The following GUCY1A2 variants were observed in gnomAD, a reference collection of about 807,000 sequenced individuals.
GUCY1A2 encodes the protein guanylate cyclase 1 soluble subunit alpha 2.
GUCY1A2 carries 27 observed loss-of-function variants against 63.5 expected under a neutral mutation model. The observed-to-expected ratio is 0.43, with a 90% CI of 0.31 to 0.59. The LOEUF (loss-of-function observed/expected upper bound fraction) is 0.59. Among genes scored for constraint, GUCY1A2 ranks in the 20% least tolerant of loss-of-function variants. The pLI is 0.11. For synonymous variants in GUCY1A2, 364 were observed against 343.5 expected (o/e 1.06, Z -0.66); for missense variants, 768 against 913.3 (o/e 0.84, Z 2.05).
intron 1 of GUCY1A2, among the ~76,000 whole-genome samples, chr11:107,010,800 G>A (rs899853603): frequency 2.6e-5 from 4 of 151,732 alleles, no homozygotes; most frequent in Admixed American, 1.3e-4. Flanking sequence ...GCATGATCTC[G>A]GCTCACTGCA....
At chr11:106,936,692 C>T in intron 4 of GUCY1A2, 2 of 1,528,086 alleles carry the variant, frequency 1.3e-6, no homozygotes, top group East Asian at 2.5e-5. Flanking sequence ...GCGTCAGATG[C>T]CCCTCGGTGA....
chr11:107,009,367 G>T (rs1439934112), intron 1 of GUCY1A2, among the ~76,000 whole-genome samples: 1 of 152,112 alleles, frequency 6.6e-6, no homozygotes, highest in African/African-American at 2.4e-5. Context: ...AAATGAACCA[G>T]TAGATGGAGC....
intron 4 of GUCY1A2, among the ~76,000 whole-genome samples, chr11:106,843,320 A>T (rs72986506): frequency 0.25 from 37,651 of 151,742 alleles, 4,712 homozygotes; most frequent in African/African-American, 0.29. Flanking sequence ...AAGACTACAC[A>T]CTGGGTACAG....
At chr11:106,828,217 A>G (rs1859001215) in intron 4 of GUCY1A2, among the ~76,000 whole-genome samples, 1 of 151,802 alleles carries the variant, frequency 6.6e-6, no homozygotes, top group African/African-American at 2.4e-5. Context: ...ACATTTGTCT[A>G]TTTTTGGTTT....
At position 106,677,318 on chromosome 11, in the gene GUCY1A2, C is replaced by A. The variant is rs961323502; in HGVS notation, c.*10231G>T. The A allele has an allele frequency of 1.4e-5, 3 of 215,430 alleles. No homozygotes were observed. Among genetic ancestry groups the A allele is most frequent in the Non-Finnish European group, 2.8e-5 (3 of 106,782 alleles). 13.3% of individuals were successfully genotyped at this position (215,430 alleles called of 1,614,324 possible). On this transcript the variant is annotated 3_prime_UTR_variant, in exon 8 of 8. Coordinates refer to ENST00000526355, the MANE Select transcript of GUCY1A2 (RefSeq NM_000855.3). ...ACTTATGTATATAAACCATTCATTT[C>A]ACATTCATCAAGAATTTTATTCATG...
At chr11:106,843,241 G>T (rs1277244196) in intron 4 of GUCY1A2, among the ~76,000 whole-genome samples, 1 of 151,824 alleles carries the variant, frequency 6.6e-6, no homozygotes, top group East Asian at 1.9e-4. Flanking sequence ...AAGAAAAAAA[G>T]TAATAAAACA....
chr11:106,941,661 CCT>C (rs1167650142), intron 3 of GUCY1A2, among the ~76,000 whole-genome samples: 21 of 152,148 alleles, frequency 1.4e-4, no homozygotes, highest in African/African-American at 4.8e-4. Flanking sequence ...TTTATCATTC[CCT>C]GAGTGTTCCT....
In GUCY1A2 at chr11:106,683,061, T is replaced by C. The variant is rs1862458203; in HGVS notation, c.*4488A>G. ...ATTTTGTTCAATCACATGAACACAA[T>C]TTATGTGTATGTTAAACCAGCTGGT... On this transcript the variant is annotated 3_prime_UTR_variant, in exon 8 of 8. Coordinates refer to ENST00000526355, the MANE Select transcript of GUCY1A2 (RefSeq NM_000855.3). The C allele has an allele frequency of 9.2e-6, 2 of 217,512 alleles. No individual in the cohort carries two copies. The highest frequency in any genetic ancestry group is 1.9e-5 in the Non-Finnish European group (2 of 108,054). 13.5% of individuals were successfully genotyped at this position (217,512 alleles called of 1,614,324 possible).
intron 6 of GUCY1A2, among the ~76,000 whole-genome samples, chr11:106,750,270 C>T (rs539806449): frequency 5.9e-5 from 9 of 152,186 alleles, no homozygotes; most frequent in African/African-American, 2.2e-4. Context: ...GCTTATCCCA[C>T]CTTCTTCCCC....
chr11:106,744,018 G>A (rs1863741877), intron 6 of GUCY1A2, among the ~76,000 whole-genome samples: 1 of 152,140 alleles, frequency 6.6e-6, no homozygotes, highest in Admixed American at 6.5e-5. Flanking sequence ...ACTAGCTCAG[G>A]AATGAACGAC....
intron 6 of GUCY1A2, among the ~76,000 whole-genome samples, chr11:106,724,590 A>G (rs747759448): frequency 1.2e-4 from 19 of 152,132 alleles, no homozygotes; most frequent in Non-Finnish European, 2.5e-4. Flanking sequence ...AAATCCTGAG[A>G]AGTTCTTGCT....
rs770060693 is a variant in GUCY1A2 at position 106,687,730 on chromosome 11, G to A, written c.2018C>T (p.Thr673Ile). ...CTCTTCACGAGACCGCGGAATGAATGTGAAACTTTCTTCTCGTTTTAATAA... is the reference window on the plus strand; with the variant it reads ...CTCTTCACGAGACCGCGGAATGAATATGAAACTTTCTTCTCGTTTTAATAA... ...YQLLKREESF[T>I]FIPRSREELP... Residue 673 changes from threonine to isoleucine, a missense_variant, in exon 8 of 8, where the codon ACA (threonine) becomes ATA (isoleucine). Thr to Ile is a moderately conservative substitution (Grantham distance 89, BLOSUM62 -1). Coordinates refer to ENST00000526355, the MANE Select transcript of GUCY1A2 (RefSeq NM_000855.3). 2.5e-6 allele frequency: 4 copies of A among 1,611,236 alleles called. No homozygotes were observed. Among genetic ancestry groups the A allele is most frequent in the Middle Eastern group, 3.3e-4 (2 of 6,060 alleles).
At chr11:107,006,293 A>T (rs534954287) in intron 1 of GUCY1A2, among the ~76,000 whole-genome samples, 17 of 152,370 alleles carry the variant, frequency 1.1e-4, no homozygotes, top group Admixed American at 8.5e-4. Context: ...TTCACTGTTC[A>T]CATTTTATTA....
At chr11:107,014,929 A>G (rs1861799435) in intron 1 of GUCY1A2, among the ~76,000 whole-genome samples, 1 of 152,224 alleles carries the variant, frequency 6.6e-6, no homozygotes, top group South Asian at 2.1e-4. Context: ...TCCAGCTTTC[A>G]TGAGAGAATA....
intron 5 of GUCY1A2, among the ~76,000 whole-genome samples, chr11:106,805,446 A>G (rs2135421476): frequency 6.6e-6 from 1 of 152,190 alleles, no homozygotes; most frequent in East Asian, 1.9e-4. Flanking sequence ...GCGTTTCACC[A>G]GGTTGGCCAG....
intron 5 of GUCY1A2, among the ~76,000 whole-genome samples, chr11:106,802,265 G>A (rs976301322): frequency 1.3e-5 from 2 of 152,136 alleles, no homozygotes; most frequent in Non-Finnish European, 1.5e-5. Flanking sequence ...AAGGCAAGTT[G>A]TTCATACTGT....
chr11:106,844,188 G>T (rs2135446054), intron 4 of GUCY1A2, among the ~76,000 whole-genome samples: 1 of 151,786 alleles, frequency 6.6e-6, no homozygotes, highest in East Asian at 1.9e-4. Context: ...TTTAACCTCA[G>T]GTACTAATTT....
Position 106,682,817 on chromosome 11 carries a change from AG to A in GUCY1A2, c.*4731del, listed in dbSNP as rs1242275568. The A allele has an allele frequency of 1.9e-5, 4 of 213,588 alleles. No individual in the cohort carries two copies. The highest frequency in any genetic ancestry group is 1.9e-5 in the Non-Finnish European group (2 of 105,508). The allele number at this position is 213,588 out of a possible 1,614,324, so 13.2% of individuals were successfully genotyped here. A position where few individuals can be genotyped will look rare whatever the true frequency, so the allele number is the denominator to read the frequency against. The stretch of plus-strand genomic sequence containing the variant: ...TGACCTTTTTTAATTAAAGGAAAGA[AG>A]GAACAAAGGAAGGAAGAAAACAAGG... On this transcript the variant is annotated 3_prime_UTR_variant, in exon 8 of 8. Coordinates refer to ENST00000526355, the MANE Select transcript of GUCY1A2 (RefSeq NM_000855.3).
Position 106,978,638 on chromosome 11 carries a change from C to A in GUCY1A2, c.468G>T (p.Gln156His). ...ATATACCGAGTATATTAGCAGTACA[C>A]TGAAGAATTCCTGAGACATCTTCAA... is the stretch of plus-strand genomic sequence containing the variant. ...EEIEDVSGIL[Q>H]CTANILGLKF... is the part of the protein sequence containing the mutation. The change falls in exon 3 of 8, where the codon CAG becomes CAT. Residue 156 changes from glutamine (Q) to histidine (H), a missense_variant. Gln to His is a conservative substitution (Grantham distance 24). Transcript: ENST00000526355. 1 of 1,532,012 alleles carries A rather than the reference C, an allele frequency of 6.5e-7. No homozygotes were observed. The highest frequency in any genetic ancestry group is 1.4e-5 in the African/African-American group (1 of 73,336). The allele number at this position is 1,532,012 out of a possible 1,614,324, so 94.9% of individuals were successfully genotyped here. A position where few individuals can be genotyped will look rare whatever the true frequency, so the allele number is the denominator to read the frequency against.
Sources: allele counts gnomAD v4.1 joint callset (sites outside exome capture counted in the v4.1 genomes callset), GRCh38; gene constraint gnomAD v4.1.1; transcripts MANE v1.5; gene names NCBI Gene and HGNC (gene_info 2026-07-23, HGNC 2026-07-21).